CASZ1: variants seen among roughly 807,000 people sequenced by gnomAD.
The protein encoded by CASZ1 is zinc finger protein castor homolog 1.
In CASZ1, 28 loss-of-function variants were observed where a neutral mutation model predicts 135.2. That is an observed-to-expected ratio of 0.21 (90% CI 0.15 to 0.28). The LOEUF (loss-of-function observed/expected upper bound fraction) is 0.28, where lower values mean the gene tolerates loss of function less well. CASZ1 is among the 10% of genes least tolerant of loss of function. The pLI is 1.00. For missense variants in CASZ1, 2,161 were observed against 2,453.3 expected (o/e 0.88, Z 2.52); for synonymous variants, 1,068 against 1,073.4 (o/e 0.99, Z 0.10).
intron 3 of CASZ1, among the ~76,000 whole-genome samples, chr1:10,703,841 A>G (rs1190249269): frequency 6.6e-6 from 1 of 152,258 alleles, no homozygotes; most frequent in Non-Finnish European, 1.5e-5. Context: ...GAAAGCAGCC[A>G]TAGCTAATAC....
chr1:10,639,061 C>T lies in CASZ1; in HGVS notation c.5161G>A (p.Glu1721Lys). The T allele has an allele frequency of 3.6e-6, 4 of 1,113,126 alleles. No individual in the cohort carries two copies. Among genetic ancestry groups the T allele is most frequent in the Non-Finnish European group, 4.5e-6 (4 of 892,110 alleles). The allele number at this position is 1,113,126 out of a possible 1,614,324, so 69.0% of individuals were successfully genotyped here. Residue 1721 changes from glutamate to lysine, a missense_variant, in exon 21 of 21, where the codon GAG (glutamate) becomes AAG (lysine). Glu to Lys is a moderately conservative substitution (Grantham distance 56). This residue lies in a region of CASZ1 where 185 missense variants were observed against 134.7 expected (regional missense o/e 1.37). Transcript: ENST00000377022. This position sits in a 1 kb window ranked among gnomAD's most constrained non-coding sequence, Gnocchi z 4.0. ...TCCGCCGCCGCCTCGGGCAGCGACTCCTCCGAGTCGGTGCGCAGGTCCTCG... is the reference window on the plus strand; with the variant it reads ...TCCGCCGCCGCCTCGGGCAGCGACTTCTCCGAGTCGGTGCGCAGGTCCTCG... ...DDEDLRTDSE[E>K]SLPEAAAEAA...
In CASZ1 at chr1:10,694,616, C is replaced by CGCCGCA. The variant is rs1638877328; in HGVS notation, c.-23-705_-23-704insTGCGGC. 7.1e-6 allele frequency: 1 copy of CGCCGCA among 141,548 alleles called. No individual in the cohort carries two copies. The highest frequency in any genetic ancestry group is 7.0e-5 in the Admixed American group (1 of 14,384). 8.8% of individuals were successfully genotyped at this position (141,548 alleles called of 1,614,324 possible). A position where few individuals can be genotyped will look rare whatever the true frequency, so the allele number is the denominator to read the frequency against. On this transcript the variant is annotated intron_variant, in intron 3 of 20. Transcript: ENST00000377022. This position sits in a 1 kb window ranked among gnomAD's most constrained non-coding sequence, Gnocchi z 6.6. ...CCGCCGCCGCCGCCGCCGCCGCCGCCGCCGCCCGGTGCGCCCGCCCGCCGC... is the reference window on the plus strand; with the variant it reads ...CCGCCGCCGCCGCCGCCGCCGCCGCCGCCGCAGCCGCCCGGTGCGCCCGCCCGCCGC...
chr1:10,735,852 C>T lies in CASZ1; in HGVS notation c.-77+24849G>A, dbSNP rs1639787593. 6.6e-6 allele frequency among the ~76,000 whole-genome samples: 1 copy of T among 152,134 alleles called. No homozygotes were observed. Among genetic ancestry groups the T allele is most frequent in the East Asian group, 1.9e-4 (1 of 5,192 alleles). On this transcript the variant is annotated intron_variant, in intron 2 of 20. Transcript: ENST00000377022. The surrounding 1 kb of genome is among the most constrained non-coding windows in gnomAD (Gnocchi z 5.1). ...TAGTCAGGGAGCCCAGAGGCAGTGG[C>T]TTAGGATCAGGGGCAGCCCCAGGCA...
rs1640495276 is a variant in CASZ1, at chr1:10,767,382, A to G, written c.-233-6525T>C. On this transcript the variant is annotated intron_variant, in intron 1 of 20. Coordinates refer to ENST00000377022, the MANE Select transcript of CASZ1 (RefSeq NM_001079843.3). This position sits in a 1 kb window ranked among gnomAD's most constrained non-coding sequence, Gnocchi z 4.2. Reference sequence around the variant, plus strand: ...AAAGCCTGGGACGGGTCCTATTTCCAGGTCACAGCCCTGTAAACAACCTGA... The same window carrying G: ...AAAGCCTGGGACGGGTCCTATTTCCGGGTCACAGCCCTGTAAACAACCTGA... 6.6e-6 allele frequency among the ~76,000 whole-genome samples: 1 copy of G among 152,222 alleles called. No homozygotes were observed. The highest frequency in any genetic ancestry group is 1.5e-5 in the Non-Finnish European group (1 of 68,032).
At chr1:10,749,438 G>A (rs1427097750) in intron 2 of CASZ1, among the ~76,000 whole-genome samples, 1 of 152,076 alleles carries the variant, frequency 6.6e-6, no homozygotes, top group Non-Finnish European at 1.5e-5. Flanking sequence ...TAGTAGAGAT[G>A]GGGTTTCACC....
intron 2 of CASZ1, among the ~76,000 whole-genome samples, chr1:10,738,721 G>C (rs923997866): frequency 5.3e-5 from 8 of 152,164 alleles, no homozygotes; most frequent in African/African-American, 1.2e-4. Flanking sequence ...CACAGGGAGA[G>C]GGGGAGGAGA....
At chr1:10,754,691 C>G (rs555369188) in intron 2 of CASZ1, among the ~76,000 whole-genome samples, 1 of 152,176 alleles carries the variant, frequency 6.6e-6, no homozygotes. Flanking sequence ...CAGCTGGGAC[C>G]GATCCTCTCT....
At chr1:10,784,587 C>T (rs58121553) in intron 1 of CASZ1, among the ~76,000 whole-genome samples, 5,519 of 152,028 alleles carry the variant, frequency 0.036, 333 homozygotes, top group African/African-American at 0.12. Flanking sequence ...TTTTTGAGAG[C>T]GAGTCTCGCT....
At chr1:10,670,460 C>A (rs1255091189) in intron 4 of CASZ1, among the ~76,000 whole-genome samples, 1 of 152,218 alleles carries the variant, frequency 6.6e-6, no homozygotes, top group Non-Finnish European at 1.5e-5. Flanking sequence ...TTCCACCCTG[C>A]CATTTACTTC....
chr1:10,640,038 G>A lies in CASZ1; in HGVS notation c.4184C>T (p.Thr1395Ile). The change falls in exon 21 of 21, where the codon ACA becomes ATA. Residue 1395 changes from threonine to isoleucine, a missense_variant. This residue lies in a region of CASZ1 where 143 missense variants were observed against 128.3 expected (regional missense o/e 1.11). Transcript: ENST00000377022. The stretch of plus-strand genomic sequence containing the variant: ...GAAGCGCTTTTTGGCCCCCGAGGCT[G>A]TCGGCATAGAGATGGTGTTCCCTGG... ...TAAGNTISMPTASGAKKRFWI... is the reference protein window; with the variant it reads ...TAAGNTISMPIASGAKKRFWI... 6.2e-7 allele frequency: 1 copy of A among 1,608,628 alleles called. No homozygotes were observed. The highest frequency in any genetic ancestry group is 8.5e-7 in the Non-Finnish European group (1 of 1,179,576).
intron 4 of CASZ1, among the ~76,000 whole-genome samples, chr1:10,672,131 C>T (rs537908706): frequency 2.1e-4 from 32 of 152,176 alleles, no homozygotes; most frequent in Non-Finnish European, 2.9e-4. Context: ...ACCCGCCCGC[C>T]GCATCTCCCC....
At chr1:10,660,666 T>C (rs1312141021) in intron 5 of CASZ1, 130 bp from the exon 6 acceptor site, 1 of 646,074 alleles carries the variant, frequency 1.5e-6, no homozygotes, top group Non-Finnish European at 2.7e-6. Context: ...ACACGATCTA[T>C]GGACGTTTGG....
At chr1:10,736,887 G>A (rs1203856083) in intron 2 of CASZ1, among the ~76,000 whole-genome samples, 1 of 152,216 alleles carries the variant, frequency 6.6e-6, no homozygotes, top group Non-Finnish European at 1.5e-5. Flanking sequence ...TGGGTGGGAG[G>A]TGCCCGGGCC....
At chr1:10,688,087 G>A (rs765239498) in intron 4 of CASZ1, among the ~76,000 whole-genome samples, 15 of 152,214 alleles carry the variant, frequency 9.9e-5, no homozygotes, top group Admixed American at 1.3e-4. Context: ...TACCAGGCCC[G>A]GGGAGGAGGT....
At chr1:10,768,864 G>C (rs1640524354) in intron 1 of CASZ1, among the ~76,000 whole-genome samples, 1 of 152,248 alleles carries the variant, frequency 6.6e-6, no homozygotes, top group South Asian at 2.1e-4. Context: ...AGCCAAGCTA[G>C]GCATGGTAGC....
At position 10,700,268 on chromosome 1, in the gene CASZ1, A is replaced by C. The variant is rs896027874; in HGVS notation, c.-24+5224T>G. 6.6e-6 allele frequency among the ~76,000 whole-genome samples: 1 copy of C among 152,182 alleles called. No homozygotes were observed. The highest frequency in any genetic ancestry group is 2.4e-5 in the African/African-American group (1 of 41,434). The stretch of plus-strand genomic sequence containing the variant: ...AGCTGCAGAAGATATGGGATTTCTC[A>C]TTTTAAGCTCTGAAACCACTTAGGT... On this transcript the variant is annotated intron_variant, in intron 3 of 20. Coordinates refer to ENST00000377022, the MANE Select transcript of CASZ1 (RefSeq NM_001079843.3). The surrounding 1 kb of genome is among the most constrained non-coding windows in gnomAD (Gnocchi z 4.2).
intron 11 of CASZ1, chr1:10,651,787 C>G (rs1330981354): frequency 1.3e-5 from 2 of 152,254 alleles, no homozygotes; most frequent in Non-Finnish European, 2.9e-5. Context: ...GGTGCTGTAG[C>G]TGACAGAGTG....
chr1:10,713,730 G>A (rs1457514965), intron 2 of CASZ1, among the ~76,000 whole-genome samples: 1 of 152,272 alleles, frequency 6.6e-6, no homozygotes, highest in Non-Finnish European at 1.5e-5. Flanking sequence ...GATGAGGACA[G>A]GTGGCTGATG....
intron 4 of CASZ1, among the ~76,000 whole-genome samples, chr1:10,677,994 G>A (rs984112762): frequency 6.6e-6 from 1 of 152,198 alleles, no homozygotes; most frequent in Non-Finnish European, 1.5e-5. Flanking sequence ...TAGGACGTGT[G>A]TGGCAGGAGG....
Sources: gnomAD v4.1 joint callset for allele counts (sites outside exome capture counted in the v4.1 genomes callset) on GRCh38, gnomAD v4.1.1 for gene constraint, gnomAD v4.1.1 regional missense constraint, Gnocchi (gnomAD v3.1) non-coding constraint, MANE v1.5 for transcripts, NCBI Gene and HGNC (gene_info 2026-07-23, HGNC 2026-07-21) for gene names.